GALNT17: variants seen among roughly 807,000 people sequenced by gnomAD.
GALNT17 encodes UDP-GalNAc:polypeptide N-acetylgalactosaminyltransferase-like 3.
GALNT17 carries 29 observed loss-of-function variants against 63.7 expected under a neutral mutation model. The ratio of observed to expected loss-of-function variants is 0.46; its 90% CI spans 0.34 to 0.62. The LOEUF is 0.62. Among genes scored for constraint, GALNT17 ranks in the 20% least tolerant of loss-of-function variants. The pLI is 0.01. For synonymous variants in GALNT17, 305 were observed against 318.3 expected (o/e 0.96, Z 0.45); for missense variants, 603 against 799.6 (o/e 0.75, Z 2.97).
At chr7:71,664,550 A>G (rs1373186587) in intron 6 of GALNT17, among the ~76,000 whole-genome samples, 1 of 152,204 alleles carries the variant, frequency 6.6e-6, no homozygotes, top group Non-Finnish European at 1.5e-5. Context: ...GTTCAAAGTT[A>G]TAGTGAGCTG....
intron 1 of GALNT17, among the ~76,000 whole-genome samples, chr7:71,133,340 C>G (rs1051029179): frequency 6.6e-6 from 1 of 152,174 alleles, no homozygotes; most frequent in Non-Finnish European, 1.5e-5. Flanking sequence ...GCGACTCCAG[C>G]CCGAGCGCAG....
rs114466893 is a variant in GALNT17, at chr7:71,169,858, G to A, written c.238+36818G>A. Among the ~76,000 whole-genome samples, 1,303 of 151,994 alleles carry A rather than the reference G, an allele frequency of 8.6e-3. 20 individuals are homozygous for A. Among genetic ancestry groups the A allele is most frequent in the African/African-American group, 0.029 (1,217 of 41,436 alleles). ...GGCATGAGCCATTGCCCCCAGCCTTGGTGTACTTTTAGATTGGATTGTTGC... is the reference window on the plus strand; with the variant it reads ...GGCATGAGCCATTGCCCCCAGCCTTAGTGTACTTTTAGATTGGATTGTTGC... On this transcript the variant is annotated intron_variant, in intron 1 of 10. Transcript: ENST00000333538.
intron 9 of GALNT17, 46 bp downstream of exon 9, chr7:71,677,352 C>T (rs769611204): frequency 8.9e-6 from 14 of 1,575,532 alleles, no homozygotes; most frequent in Middle Eastern, 1.7e-4. Flanking sequence ...TCACCATCTC[C>T]GACCCACAGA....
At chr7:71,659,267 G>C (rs1111651) in intron 6 of GALNT17, among the ~76,000 whole-genome samples, 150,101 of 152,342 alleles carry the variant, frequency 0.99, 73,969 homozygotes, top group East Asian at 1. Flanking sequence ...TATCACTTAT[G>C]TATTGCAGTG....
chr7:71,428,987 G>C (rs546982034), intron 5 of GALNT17, among the ~76,000 whole-genome samples: 1 of 152,296 alleles, frequency 6.6e-6, no homozygotes, highest in African/African-American at 2.4e-5. Context: ...CCTCCCTTCA[G>C]GTACAGTTTG....
At chr7:71,682,740 AG>A (rs1424380398) in intron 9 of GALNT17, among the ~76,000 whole-genome samples, 1 of 151,992 alleles carries the variant, frequency 6.6e-6, no homozygotes, top group African/African-American at 2.4e-5. Context: ...TTGTAGAAAT[AG>A]GGGTCTCCCT....
At chr7:71,626,716 C>T (rs1413972266) in intron 6 of GALNT17, among the ~76,000 whole-genome samples, 1 of 152,154 alleles carries the variant, frequency 6.6e-6, no homozygotes, top group East Asian at 1.9e-4. Context: ...AAATGAGACA[C>T]AATGGGCATC....
At chr7:71,486,876 A>C (rs1017580714) in intron 5 of GALNT17, among the ~76,000 whole-genome samples, 3 of 151,776 alleles carry the variant, frequency 2.0e-5, no homozygotes, top group African/African-American at 7.3e-5. Flanking sequence ...AAAAAAAACA[A>C]AAAAAAACGC....
At chr7:71,298,696 CTT>C (rs1156976157) in intron 1 of GALNT17, among the ~76,000 whole-genome samples, 3 of 136,054 alleles carry the variant, frequency 2.2e-5, no homozygotes, top group Non-Finnish European at 4.6e-5. Context: ...TTGTGCACGA[CTT>C]TTATTCCAGT....
At chr7:71,532,490 A>G (rs1446252749) in intron 5 of GALNT17, among the ~76,000 whole-genome samples, 1 of 152,236 alleles carries the variant, frequency 6.6e-6, no homozygotes, top group Non-Finnish European at 1.5e-5. Context: ...TGGGCTAAAT[A>G]GCATATGTCA....
chr7:71,254,425 G>T (rs1790254354), intron 1 of GALNT17, among the ~76,000 whole-genome samples: 1 of 152,182 alleles, frequency 6.6e-6, no homozygotes, highest in Admixed American at 6.5e-5. Context: ...GCTTTGCAGT[G>T]CCGTTTCAAA....
chr7:71,257,899 T>C (rs1471905772), intron 1 of GALNT17, among the ~76,000 whole-genome samples: 1 of 152,228 alleles, frequency 6.6e-6, no homozygotes, highest in Admixed American at 6.5e-5. Flanking sequence ...CTCCTGGGCA[T>C]TGACAGGCAG....
At chr7:71,501,210 C>T (rs1252935841) in intron 5 of GALNT17, among the ~76,000 whole-genome samples, 1 of 152,060 alleles carries the variant, frequency 6.6e-6, no homozygotes, top group Non-Finnish European at 1.5e-5. Flanking sequence ...CTCAAATGAT[C>T]CATCCTCCTC....
At chr7:71,666,618 T>G (rs577684415) in intron 7 of GALNT17, among the ~76,000 whole-genome samples, 1 of 152,136 alleles carries the variant, frequency 6.6e-6, no homozygotes, top group South Asian at 2.1e-4. Context: ...TGCATCCTCA[T>G]AGCTTAGCTC....
intron 9 of GALNT17, among the ~76,000 whole-genome samples, chr7:71,677,863 G>A (rs1047610945): frequency 6.6e-6 from 1 of 152,030 alleles, no homozygotes; most frequent in Admixed American, 6.6e-5. Context: ...ATTCCCCCGA[G>A]GTCAGCTGTG....
rs111334636 is a variant in GALNT17, at chr7:71,598,455, G to A, written c.1080+27053G>A. ...TAGGCATGGATCTCACATATGTGAA[G>A]ATGAAATAGCTGTGTTTAGTATTTC... is the stretch of plus-strand genomic sequence containing the variant. On this transcript the variant is annotated intron_variant, in intron 6 of 10. Coordinates refer to ENST00000333538, the MANE Select transcript of GALNT17 (RefSeq NM_022479.3). Among the ~76,000 whole-genome samples, 73 of 152,324 alleles carry A rather than the reference G, an allele frequency of 4.8e-4. 1 individual carries two copies. The highest frequency in any genetic ancestry group is 1.6e-3 in the African/African-American group (68 of 41,586).
At chr7:71,382,268 T>A (rs990082505) in intron 2 of GALNT17, among the ~76,000 whole-genome samples, 2 of 151,960 alleles carry the variant, frequency 1.3e-5, no homozygotes, top group Non-Finnish European at 2.9e-5. Flanking sequence ...TAATCCCAGC[T>A]ACTTGGGAGG....
At chr7:71,222,192 C>T (rs1336407724) in intron 1 of GALNT17, among the ~76,000 whole-genome samples, 1 of 152,092 alleles carries the variant, frequency 6.6e-6, no homozygotes, top group African/African-American at 2.4e-5. Context: ...TAGGTGTGAG[C>T]CACCACTGCT....
chr7:71,354,516 A>G (rs1792247388), intron 2 of GALNT17, among the ~76,000 whole-genome samples: 1 of 152,088 alleles, frequency 6.6e-6, no homozygotes, highest in Non-Finnish European at 1.5e-5. Flanking sequence ...GTCTATAAAT[A>G]TTTTGCATTA....
Sources: allele counts gnomAD v4.1 joint callset (sites outside exome capture counted in the v4.1 genomes callset), GRCh38; gene constraint gnomAD v4.1.1; transcripts MANE v1.5; gene names NCBI Gene and HGNC (gene_info 2026-07-23, HGNC 2026-07-21).